The following TEKTL1 variants were observed in gnomAD, a reference collection of about 807,000 sequenced individuals.
The protein encoded by TEKTL1 is tektin like 1, also known as tektin-like protein 1.
At chr19:15,017,945 A>G in the TEKTL1 span, among the ~76,000 whole-genome samples, 1 of 152,154 alleles carries the variant, frequency 6.6e-6, no homozygotes, top group Non-Finnish European at 1.5e-5. Flanking sequence ...CTGTAATTCC[A>G]ATACTTTGGG....
At chr19:15,022,488 C>T in the TEKTL1 span, among the ~76,000 whole-genome samples, 1 of 151,908 alleles carries the variant, frequency 6.6e-6, no homozygotes, top group African/African-American at 2.4e-5. Context: ...GCCACCACAC[C>T]CGGCTAATTT....
At chr19:15,020,603 C>T in the TEKTL1 span, 2 of 1,613,994 alleles carry the variant, frequency 1.2e-6, no homozygotes, top group South Asian at 1.1e-5. Context: ...GCCCCCACTC[C>T]ACGCACACAG....
chr19:15,022,745 C>T, the TEKTL1 span: 2 of 974,402 alleles, frequency 2.1e-6, no homozygotes, highest in Admixed American at 6.0e-5. Flanking sequence ...CCAGGCACAC[C>T]TGGCCCATTC....
chr19:15,019,969 A>AT, the TEKTL1 span, among the ~76,000 whole-genome samples: 12,882 of 150,996 alleles, frequency 0.085, 739 homozygotes, highest in South Asian at 0.23. Flanking sequence ...AAACAAAAAA[A>AT]AATAATATAT....
chr19:15,019,987 C>G, the TEKTL1 span, among the ~76,000 whole-genome samples: 1 of 145,538 alleles, frequency 6.9e-6, no homozygotes, highest in Non-Finnish European at 1.5e-5. Flanking sequence ...TATATATACC[C>G]ATAAGTAAAA....
chr19:15,021,929 C>T, the TEKTL1 span: 1 of 1,605,550 alleles, frequency 6.2e-7, no homozygotes, highest in African/African-American at 1.3e-5. Flanking sequence ...GGTAAACCCC[C>T]TCCCCCGTAC....
chr19:15,014,859 G>A, the TEKTL1 span, among the ~76,000 whole-genome samples: 1 of 152,274 alleles, frequency 6.6e-6, no homozygotes, highest in Middle Eastern at 3.4e-3. Context: ...CGGAGGCAGA[G>A]AAGGGAGAAG....
chr19:15,014,253 A>G, the TEKTL1 span, among the ~76,000 whole-genome samples: 18 of 152,144 alleles, frequency 1.2e-4, no homozygotes, highest in Admixed American at 1.0e-3. Flanking sequence ...TGAGGGCACA[A>G]ATTAAGGGGG....
the TEKTL1 span, among the ~76,000 whole-genome samples, chr19:15,012,168 G>A: frequency 3.8e-4 from 58 of 152,208 alleles, no homozygotes; most frequent in Non-Finnish European, 7.4e-4. Flanking sequence ...GCTGAGGCAG[G>A]AGGATTGCTT....
chr19:15,011,485 A>G, the TEKTL1 span: 3 of 1,200,072 alleles, frequency 2.5e-6, no homozygotes, highest in South Asian at 4.4e-5. Flanking sequence ...AATCCTTTCC[A>G]TACTTTGGGA....
the TEKTL1 span, among the ~76,000 whole-genome samples, chr19:15,014,738 C>CGGGGGGGGGGGGGGG: frequency 3.4e-5 from 1 of 29,802 alleles, no homozygotes; most frequent in African/African-American, 1.3e-4. Flanking sequence ...GGGCGGGGGG[C>CGGGGGGGGGGGGGGG]GGGGGCTGCT....
the TEKTL1 span, chr19:15,021,479 C>T: frequency 5.6e-6 from 9 of 1,614,092 alleles, no homozygotes; most frequent in Admixed American, 1.5e-4. Context: ...CGTGTGTGTG[C>T]CTCGCTGGCG....
chr19:15,014,716 G>A, the TEKTL1 span, among the ~76,000 whole-genome samples: 8 of 114,512 alleles, frequency 7.0e-5, no homozygotes, highest in Admixed American at 2.1e-4. Context: ...CGAGGCAGGA[G>A]ACTCAGTGGG....
the TEKTL1 span, among the ~76,000 whole-genome samples, chr19:15,018,675 T>C: frequency 7.3e-6 from 1 of 137,588 alleles, no homozygotes; most frequent in South Asian, 2.3e-4. Context: ...ATCATGCCAC[T>C]GCACTCCAGC....
the TEKTL1 span, chr19:15,023,131 T>A: frequency 1.3e-6 from 2 of 1,569,796 alleles, no homozygotes; most frequent in Non-Finnish European, 8.6e-7. Context: ...GACCCCAGCG[T>A]CCCCCGCCCC....
At chr19:15,021,525 C>T in the TEKTL1 span, 1 of 1,613,714 alleles carries the variant, frequency 6.2e-7, no homozygotes, top group Admixed American at 1.7e-5. Flanking sequence ...TGAAGGTGAG[C>T]GCATTACCTG....
At chr19:15,023,266 A>C in the TEKTL1 span, 7 of 698,734 alleles carry the variant, frequency 1.0e-5, no homozygotes, top group Non-Finnish European at 1.2e-5. Context: ...AATAACAATA[A>C]TTATCATGTA....
the TEKTL1 span, chr19:15,022,828 G>A: frequency 6.5e-7 from 1 of 1,541,136 alleles, no homozygotes; most frequent in South Asian, 1.2e-5. Context: ...ACGCCAGGTA[G>A]CCATCTGCTC....
At chr19:15,011,092 A>T in the TEKTL1 span, 2 of 1,569,142 alleles carry the variant, frequency 1.3e-6, no homozygotes, top group East Asian at 2.3e-5. Flanking sequence ...AGCCGCCGCC[A>T]GGCGAGGGCG....
Sources: gnomAD v4.1 joint callset for allele counts (sites outside exome capture counted in the v4.1 genomes callset) on GRCh38, gnomAD v4.1.1 for gene constraint, MANE v1.5 for transcripts, NCBI Gene and HGNC (gene_info 2026-07-23, HGNC 2026-07-21) for gene names.